RAD54L2: variants seen among roughly 807,000 people sequenced by gnomAD.
The protein encoded by RAD54L2 is RAD54 like 2.
In RAD54L2, 27 loss-of-function variants were observed where a neutral mutation model predicts 138.4. The observed-to-expected ratio is 0.20, with a 90% CI of 0.14 to 0.27. RAD54L2 has a LOEUF of 0.27. Among genes scored for constraint, RAD54L2 ranks in the 10% least tolerant of loss-of-function variants. The probability of loss-of-function intolerance (pLI) is 1.00; values close to 1 mark genes in which losing one functional copy is unlikely to be tolerated. For missense variants in RAD54L2, 1,396 were observed against 1,890.2 expected (o/e 0.74, Z 4.85); for synonymous variants, 644 against 723.2 (o/e 0.89, Z 1.76).
chr3:51,598,151 G>T (rs567909511), intron 3 of RAD54L2, among the ~76,000 whole-genome samples: 1 of 125,344 alleles, frequency 8.0e-6, no homozygotes, highest in African/African-American at 2.9e-5. Flanking sequence ...ATATATATAT[G>T]TGTGTGTGTG....
intron 2 of RAD54L2, among the ~76,000 whole-genome samples, chr3:51,559,735 C>G (rs1220783723): frequency 6.6e-6 from 1 of 152,130 alleles, no homozygotes; most frequent in Non-Finnish European, 1.5e-5. Context: ...TGTTTAGGAA[C>G]CAGATAGTAC....
At chr3:51,553,015 ATTTAT>A (rs781500284) in intron 2 of RAD54L2, among the ~76,000 whole-genome samples, 3 of 151,786 alleles carry the variant, frequency 2.0e-5, no homozygotes, top group Admixed American at 6.6e-5. Context: ...GATTTAATTA[ATTTAT>A]TTTGTTGATT....
chr3:51,547,669 C>T (rs529440304), intron 2 of RAD54L2, among the ~76,000 whole-genome samples: 10 of 151,818 alleles, frequency 6.6e-5, no homozygotes, highest in Non-Finnish European at 1.0e-4. Flanking sequence ...GCAGCTTCCA[C>T]CTCCTGGGTT....
intron 2 of RAD54L2, among the ~76,000 whole-genome samples, chr3:51,546,418 A>G: frequency 1.3e-5 from 2 of 151,092 alleles, no homozygotes; most frequent in Non-Finnish European, 3.0e-5. Flanking sequence ...AGGCGGGCGG[A>G]TCACCTGATG....
At chr3:51,635,564 T>TCA (rs1260314124) in intron 9 of RAD54L2, 29 bp from the exon 10 acceptor site, 1 of 1,573,910 alleles carries the variant, frequency 6.4e-7, no homozygotes, top group Non-Finnish European at 8.6e-7. Context: ...AATTCACATC[T>TCA]CACACAATTT....
At chr3:51,588,534 C>G (rs1000136035) in intron 2 of RAD54L2, among the ~76,000 whole-genome samples, 1 of 49,442 alleles carries the variant, frequency 2.0e-5, no homozygotes, top group African/African-American at 7.2e-5. Context: ...AACTGCATCT[C>G]AAAAAAAAAA....
chr3:51,555,468 C>T (rs1306629889), intron 2 of RAD54L2, among the ~76,000 whole-genome samples: 1 of 152,022 alleles, frequency 6.6e-6, no homozygotes, highest in African/African-American at 2.4e-5. Flanking sequence ...CAAAAATTAG[C>T]CAGGCATGGT....
intron 21 of RAD54L2, among the ~76,000 whole-genome samples, chr3:51,658,906 T>C (rs1374929749): frequency 6.6e-6 from 1 of 151,276 alleles, no homozygotes; most frequent in African/African-American, 2.4e-5. Context: ...ACATTTTCAA[T>C]TGGTTGGAAA....
chr3:51,641,381 G>A (rs1313606864), intron 14 of RAD54L2, among the ~76,000 whole-genome samples: 4 of 151,202 alleles, frequency 2.6e-5, no homozygotes, highest in African/African-American at 9.8e-5. Context: ...GTGCAATGGC[G>A]TGATCCTGCA....
intron 20 of RAD54L2, among the ~76,000 whole-genome samples, chr3:51,656,945 C>G (rs1701615778): frequency 6.6e-6 from 1 of 152,070 alleles, no homozygotes; most frequent in African/African-American, 2.4e-5. Flanking sequence ...CCATGTTGCC[C>G]AGGCTGGTTT....
In RAD54L2 at chr3:51,666,710, A is replaced by G. The variant is rs1171350069; in HGVS notation, c.*3290A>G. The stretch of plus-strand genomic sequence containing the variant: ...ATTTTCTTTAGATTGGATATCTATG[A>G]AGTCCACACCCCTTTGAGTTATGCT... On this transcript the variant is annotated 3_prime_UTR_variant, in exon 23 of 23. Transcript: ENST00000684192. 6.6e-6 allele frequency: 1 copy of G among 152,206 alleles called. No homozygotes were observed. The highest frequency in any genetic ancestry group is 2.4e-5 in the African/African-American group (1 of 41,448). The allele number at this position is 152,206 out of a possible 1,614,324, so 9.4% of individuals were successfully genotyped here.
At position 51,651,164 on chromosome 3, in the gene RAD54L2, G is replaced by A. The variant is rs554048641; in HGVS notation, c.3026+4683G>A. On this transcript the variant is annotated intron_variant, in intron 19 of 22. Coordinates refer to ENST00000684192, the MANE Select transcript of RAD54L2 (RefSeq NM_015106.4). ...CAGAGAATACTCTAAACACCTCTAT[G>A]CAAATAAACTAGAAAATCTAGAGGA... Among the ~76,000 whole-genome samples, 27 of 152,266 alleles carry A rather than the reference G, an allele frequency of 1.8e-4. No individual in the cohort carries two copies. The East Asian group carries it at 2.7e-3, about 15-fold the overall frequency.
chr3:51,605,671 C>T (rs1700166130), intron 3 of RAD54L2, among the ~76,000 whole-genome samples: 1 of 151,910 alleles, frequency 6.6e-6, no homozygotes, highest in African/African-American at 2.4e-5. Flanking sequence ...AGGCTGGTCT[C>T]GAACTCCTGA....
chr3:51,602,820 CAA>C (rs1325809030), intron 3 of RAD54L2, among the ~76,000 whole-genome samples: 1 of 151,988 alleles, frequency 6.6e-6, no homozygotes, highest in African/African-American at 2.4e-5. Context: ...AGTATATAAA[CAA>C]TATGTCAGAA....
chr3:51,578,032 A>G (rs922321245), intron 2 of RAD54L2, among the ~76,000 whole-genome samples: 3 of 152,150 alleles, frequency 2.0e-5, no homozygotes, highest in Non-Finnish European at 2.9e-5. Context: ...GAAATTTAAT[A>G]TTGATACAAT....
intron 7 of RAD54L2, among the ~76,000 whole-genome samples, chr3:51,632,815 C>G (rs867828964): frequency 6.7e-6 from 1 of 149,634 alleles, no homozygotes; most frequent in Admixed American, 6.6e-5. Context: ...TCACTTGAAC[C>G]GGGGAAATGG....
chr3:51,644,058 C>A lies in RAD54L2; in HGVS notation c.2450+84C>A, dbSNP rs531790663. On this transcript the variant is annotated intron_variant, in intron 16 of 22. Transcript: ENST00000684192. ...GCTGGTACCCCAAAACTCCAAGTTC[C>A]CTCAGAAGAGATCAGCTCAGGTTTG... is the stretch of plus-strand genomic sequence containing the variant. 1.0e-5 allele frequency: 11 copies of A among 1,071,360 alleles called. No individual in the cohort carries two copies. In the East Asian group the frequency reaches 2.6e-4, roughly 25 times the overall value. The allele number at this position is 1,071,360 out of a possible 1,614,324, so 66.4% of individuals were successfully genotyped here.
At chr3:51,659,972 G>T (rs577966057) in intron 21 of RAD54L2, 54 bp from the exon 22 acceptor site, 29 of 1,383,840 alleles carry the variant, frequency 2.1e-5, no homozygotes, top group Non-Finnish European at 2.9e-5. Context: ...AGTTTCCCAG[G>T]GTTGGCTGTA....
intron 3 of RAD54L2, among the ~76,000 whole-genome samples, chr3:51,606,337 AG>A (rs1169522848): frequency 6.6e-6 from 1 of 152,210 alleles, no homozygotes; most frequent in Non-Finnish European, 1.5e-5. Context: ...AAGTTGGTGT[AG>A]GAATCCAGAC....
Sources: allele counts gnomAD v4.1 joint callset (sites outside exome capture counted in the v4.1 genomes callset), GRCh38; gene constraint gnomAD v4.1.1; transcripts MANE v1.5; gene names NCBI Gene and HGNC (gene_info 2026-07-23, HGNC 2026-07-21).